CEP152: variants seen among roughly 807,000 people sequenced by gnomAD.
CEP152 encodes the protein centrosomal protein 152, also known as centrosomal protein of 152 kDa.
In CEP152, 132 loss-of-function variants were observed where a neutral mutation model predicts 188.9. The observed-to-expected ratio is 0.70, with a 90% CI of 0.61 to 0.81. The LOEUF (loss-of-function observed/expected upper bound fraction) is 0.81. CEP152 is among the 30% of genes least tolerant of loss of function. CEP152 has a pLI of 0.00. For missense variants in CEP152, 1,914 were observed against 1,969.8 expected (o/e 0.97, Z 0.54); for synonymous variants, 649 against 666.6 (o/e 0.97, Z 0.41).
At position 48,742,810 on chromosome 15, in the gene CEP152, A is replaced by AT. The variant is rs746099967; in HGVS notation, c.3836-711dup. ...CTACTATTAGCTAAGGCTAACTTTT[A>AT]TTTTTTTTTTTAATAAATCCAAGAC... On this transcript the variant is annotated intron_variant, in intron 24 of 26. Transcript: ENST00000380950. Among the ~76,000 whole-genome samples the AT allele has an allele frequency of 3.1e-3, 460 of 146,568 alleles. 1 individual carries two copies. Among genetic ancestry groups the AT allele is most frequent in the African/African-American group, 9.7e-3 (391 of 40,108 alleles).
At chr15:48,746,994 G>A (rs1480648369) in intron 22 of CEP152, among the ~76,000 whole-genome samples, 2 of 152,132 alleles carry the variant, frequency 1.3e-5, no homozygotes, top group Non-Finnish European at 2.9e-5. Flanking sequence ...TAAGAGAGCT[G>A]GGGGAAGACA....
chr15:48,795,775 C>T (rs1159974783), intron 6 of CEP152, among the ~76,000 whole-genome samples: 1 of 152,124 alleles, frequency 6.6e-6, no homozygotes, highest in African/African-American at 2.4e-5. Context: ...ATATTCCCAC[C>T]CAACATTACC....
intron 22 of CEP152, among the ~76,000 whole-genome samples, chr15:48,747,065 T>G (rs1021716181): frequency 2.0e-5 from 3 of 152,036 alleles, no homozygotes; most frequent in Non-Finnish European, 4.4e-5. Context: ...AAACTAAGTG[T>G]TTTTGGTTTT....
At chr15:48,797,877 A>G in intron 3 of CEP152, 71 bp downstream of exon 3, 1 of 1,480,984 alleles carries the variant, frequency 6.8e-7, no homozygotes. Flanking sequence ...TCATGTAATT[A>G]TTAATCTTCA....
rs757720322 is a variant in CEP152 at position 48,744,964 on chromosome 15, T to G, written c.3663A>C (p.Leu1221Phe). Reference sequence around the variant, plus strand: ...TCTTCATGTCGTTGTTTTCTTCTATTAATTCTTCAACAACTTTATTATTCT... The same window carrying G: ...TCTTCATGTCGTTGTTTTCTTCTATGAATTCTTCAACAACTTTATTATTCT... ...GEENNKVVEE[L>F]IEENNDMKNK... is the part of the protein sequence containing the mutation. Residue 1221 changes from leucine to phenylalanine, a missense_variant, in exon 23 of 27, where the codon TTA (leucine) becomes TTC (phenylalanine). Transcript: ENST00000380950. 88 of 1,608,510 alleles carry G rather than the reference T, an allele frequency of 5.5e-5. No homozygotes were observed. Among genetic ancestry groups the G allele is most frequent in the Non-Finnish European group, 7.2e-5 (85 of 1,177,740 alleles).
intron 6 of CEP152, among the ~76,000 whole-genome samples, chr15:48,794,653 A>G (rs1897181790): frequency 1.3e-5 from 2 of 152,240 alleles, no homozygotes; most frequent in Admixed American, 1.3e-4. Context: ...AGTGTTAAGA[A>G]AGGTAAGGAA....
intron 2 of CEP152, among the ~76,000 whole-genome samples, chr15:48,799,279 C>CA (rs948307259): frequency 1.8e-4 from 26 of 145,136 alleles, no homozygotes; most frequent in Non-Finnish European, 2.4e-4. Context: ...TAAGAATTAC[C>CA]AAAAAAAAAA....
intron 11 of CEP152, 75 bp downstream of exon 11, chr15:48,782,064 C>T: frequency 7.3e-7 from 1 of 1,374,184 alleles, no homozygotes; most frequent in Non-Finnish European, 1.0e-6. Context: ...CAGAGAAACC[C>T]AAGATTCAAA....
At chr15:48,766,537 C>T (rs1159543001) in intron 17 of CEP152, among the ~76,000 whole-genome samples, 1 of 152,138 alleles carries the variant, frequency 6.6e-6, no homozygotes, top group Non-Finnish European at 1.5e-5. Flanking sequence ...GGAGGTCATA[C>T]GAAGATGCTG....
chr15:48,796,334 C>A (rs1372438834), intron 5 of CEP152, among the ~76,000 whole-genome samples, 174 bp from the exon 6 acceptor site: 1 of 149,672 alleles, frequency 6.7e-6, no homozygotes, highest in African/African-American at 2.5e-5. Context: ...ATATATATAT[C>A]TGCTCAAAAG....
At chr15:48,748,740 G>T in intron 21 of CEP152, 130 bp from the exon 22 acceptor site, 1 of 1,003,488 alleles carries the variant, frequency 1.0e-6, no homozygotes, top group Non-Finnish European at 1.3e-6. Context: ...CTGAAAGAGT[G>T]TGATGCTTAA....
At chr15:48,795,950 G>T in intron 6 of CEP152, 60 bp downstream of exon 6, 1 of 1,396,834 alleles carries the variant, frequency 7.2e-7, no homozygotes, top group Non-Finnish European at 1.0e-6. Context: ...AATATTCATT[G>T]TGTATTCAAA....
chr15:48,771,430 T>C (rs1038674658), intron 13 of CEP152, among the ~76,000 whole-genome samples: 13 of 152,206 alleles, frequency 8.5e-5, no homozygotes, highest in Non-Finnish European at 1.6e-4. Flanking sequence ...TGTCCTCATA[T>C]AGAATGACTT....
At position 48,797,660 on chromosome 15, in the gene CEP152, C is replaced by T. The variant is rs966888627; in HGVS notation, c.261+1G>A. The T allele has an allele frequency of 4.3e-6, 7 of 1,614,020 alleles. No individual in the cohort carries two copies. The highest frequency in any genetic ancestry group is 5.9e-6 in the Non-Finnish European group (7 of 1,180,016). On this transcript the variant is annotated splice_donor_variant, in intron 4 of 26. Coordinates refer to ENST00000380950, the MANE Select transcript of CEP152 (RefSeq NM_001194998.2). LOFTEE classifies it high-confidence loss of function. Reference sequence around the variant, plus strand: ...AAGTCATCATCACACCAGATACTTACATTTACACTTTGAGATTTGGGCAGC... The same window carrying T: ...AAGTCATCATCACACCAGATACTTATATTTACACTTTGAGATTTGGGCAGC...
chr15:48,767,688 C>T (rs1021444333), intron 15 of CEP152, among the ~76,000 whole-genome samples: 2 of 152,148 alleles, frequency 1.3e-5, no homozygotes, highest in African/African-American at 4.8e-5. Context: ...CAATTAGAAA[C>T]TTGGATGTGA....
chr15:48,767,726 A>G (rs965008611), intron 15 of CEP152, among the ~76,000 whole-genome samples: 5 of 152,248 alleles, frequency 3.3e-5, no homozygotes, highest in Non-Finnish European at 7.3e-5. Context: ...AAATAGAGAT[A>G]GTAATCTATG....
intron 9 of CEP152, among the ~76,000 whole-genome samples, chr15:48,785,190 T>C (rs1896544026): frequency 6.6e-6 from 1 of 152,174 alleles, no homozygotes; most frequent in Admixed American, 6.5e-5. Context: ...ACAAGGTACA[T>C]CCCATAAGAG....
intron 13 of CEP152, among the ~76,000 whole-genome samples, chr15:48,771,138 G>A (rs1468407353): frequency 6.6e-6 from 1 of 151,790 alleles, no homozygotes; most frequent in Non-Finnish European, 1.5e-5. Context: ...AATATGGAAG[G>A]GTAAAAAAAA....
At chr15:48,781,137 C>A in intron 12 of CEP152, 59 bp downstream of exon 12, 2 of 1,401,144 alleles carry the variant, frequency 1.4e-6, no homozygotes, top group Non-Finnish European at 2.0e-6. Context: ...AGATACCATG[C>A]ATCATCAGCA....
Sources: gnomAD v4.1 joint callset for allele counts (sites outside exome capture counted in the v4.1 genomes callset) on GRCh38, gnomAD v4.1.1 for gene constraint, MANE v1.5 for transcripts, NCBI Gene and HGNC (gene_info 2026-07-23, HGNC 2026-07-21) for gene names.